Variants in DLGAP2 observed in about 807,000 individuals in gnomAD.
DLGAP2 encodes the protein disks large-associated protein 2.
In DLGAP2, 26 loss-of-function variants were observed where a neutral mutation model predicts 100.3. The observed-to-expected ratio is 0.26, with a 90% CI of 0.19 to 0.36. DLGAP2 has a LOEUF of 0.36. Ranked by LOEUF, DLGAP2 falls within the 10% of genes least tolerant of loss-of-function variation. The probability of loss-of-function intolerance (pLI) is 1.00; values close to 1 mark genes in which losing one functional copy is unlikely to be tolerated. For synonymous variants in DLGAP2, 886 were observed against 630.1 expected (o/e 1.41, Z -6.08); for missense variants, 1,858 against 1,453.2 (o/e 1.28, Z -4.53).
In DLGAP2 at chr8:787,334, C is replaced by G. The variant is rs561596533; in HGVS notation, c.18+49509C>G. 5.3e-5 allele frequency among the ~76,000 whole-genome samples: 8 copies of G among 152,340 alleles called. 1 individual carries two copies. The South Asian group carries it at 1.7e-3, about 32-fold the overall frequency. On this transcript the variant is annotated intron_variant, in intron 1 of 14. Transcript: ENST00000637795. ...CTGACGTTCTGTGATGCTGAGGACC[C>G]TCCTTCCCATGTTGTAGCAATCATA...
At chr8:1,191,873 C>T (rs1183845238) in intron 2 of DLGAP2, among the ~76,000 whole-genome samples, 4 of 152,168 alleles carry the variant, frequency 2.6e-5, no homozygotes, top group African/African-American at 9.7e-5. Context: ...TAGGAAGCGC[C>T]TTTATTCTTG....
At chr8:1,200,336 G>A (rs1797843743) in intron 2 of DLGAP2, among the ~76,000 whole-genome samples, 1 of 152,174 alleles carries the variant, frequency 6.6e-6, no homozygotes, top group Non-Finnish European at 1.5e-5. Flanking sequence ...CAGTCCCGTG[G>A]CCCCGGCTCC....
intron 8 of DLGAP2, among the ~76,000 whole-genome samples, chr8:1,638,026 C>A (rs1217614589): frequency 6.6e-6 from 1 of 152,152 alleles, no homozygotes; most frequent in Non-Finnish European, 1.5e-5. Context: ...CTGGGATTCG[C>A]AGGGCACCCG....
chr8:852,213 C>G (rs1018227159), intron 1 of DLGAP2, among the ~76,000 whole-genome samples: 2 of 152,168 alleles, frequency 1.3e-5, no homozygotes, highest in African/African-American at 4.8e-5. Context: ...ATCTGTCTCT[C>G]TCACCTTTCT....
At chr8:1,377,713 C>T (rs1795991560) in intron 3 of DLGAP2, among the ~76,000 whole-genome samples, 3 of 152,304 alleles carry the variant, frequency 2.0e-5, no homozygotes, top group African/African-American at 4.8e-5. Context: ...CAGCTCCCTC[C>T]TGTCTCCTCC....
chr8:1,365,001 C>T (rs531458861), intron 3 of DLGAP2, among the ~76,000 whole-genome samples: 9 of 152,266 alleles, frequency 5.9e-5, no homozygotes, highest in South Asian at 4.1e-4. Context: ...GGATGGGAAC[C>T]GGGCCCTCAG....
At chr8:1,168,346 G>A (rs1381832633) in intron 2 of DLGAP2, among the ~76,000 whole-genome samples, 2 of 151,914 alleles carry the variant, frequency 1.3e-5, no homozygotes, top group Non-Finnish European at 2.9e-5. Flanking sequence ...AAACATACGT[G>A]TGCATGTGTC....
rs73670761 is a variant in DLGAP2, at chr8:1,331,726, T to C, written c.106+72843T>C. ...CACTTATAGAAGGGTCCTTCCGACG[T>C]TTAAAACGTGTCTTGTTTTGCTTAT... is the stretch of plus-strand genomic sequence containing the variant. On this transcript the variant is annotated intron_variant, in intron 3 of 14. Coordinates refer to ENST00000637795, the MANE Select transcript of DLGAP2 (RefSeq NM_001346810.2). Among the ~76,000 whole-genome samples the C allele has an allele frequency of 1.6e-3, 249 of 152,322 alleles. 2 individuals are homozygous for C. The highest frequency in any genetic ancestry group is 5.8e-3 in the African/African-American group (240 of 41,574).
At chr8:1,291,005 A>C (rs995026318) in intron 3 of DLGAP2, among the ~76,000 whole-genome samples, 1 of 152,170 alleles carries the variant, frequency 6.6e-6, no homozygotes, top group African/African-American at 2.4e-5. Context: ...CCTACAAGTA[A>C]TACTAAAAGG....
chr8:750,406 A>G lies in DLGAP2; in HGVS notation c.18+12581A>G, dbSNP rs536753466. Among the ~76,000 whole-genome samples, 18 of 152,388 alleles carry G rather than the reference A, an allele frequency of 1.2e-4. No homozygotes were observed. In the East Asian group the frequency reaches 1.9e-3, roughly 16 times the overall value. ...AATGAAAACATTTCGAATCTTTTCTATGTCTACAGGAATAAAATCAAGTGT... is the reference window on the plus strand; with the variant it reads ...AATGAAAACATTTCGAATCTTTTCTGTGTCTACAGGAATAAAATCAAGTGT... On this transcript the variant is annotated intron_variant, in intron 1 of 14. Transcript: ENST00000637795.
In DLGAP2 at chr8:859,608, G is replaced by A. The variant is rs192469673; in HGVS notation, c.19-48304G>A. On this transcript the variant is annotated intron_variant, in intron 1 of 14. Transcript: ENST00000637795. Reference sequence around the variant, plus strand: ...CCTGCTGGGGGAGGCTGGCTAGCTGGACGTTAGAGTCTGGGGATGAAGTCA... The same window carrying A: ...CCTGCTGGGGGAGGCTGGCTAGCTGAACGTTAGAGTCTGGGGATGAAGTCA... 7.8e-4 allele frequency among the ~76,000 whole-genome samples: 119 copies of A among 152,306 alleles called. 1 individual carries two copies. The highest frequency in any genetic ancestry group is 2.8e-3 in the African/African-American group (116 of 41,560).
chr8:1,470,048 G>C (rs949217285), intron 3 of DLGAP2, among the ~76,000 whole-genome samples: 6 of 151,632 alleles, frequency 4.0e-5, no homozygotes, highest in Non-Finnish European at 5.9e-5. Context: ...TGCGATCCCA[G>C]CTGCTCATGA....
intron 2 of DLGAP2, among the ~76,000 whole-genome samples, chr8:1,068,560 C>G (rs1040616495): frequency 2.0e-5 from 3 of 152,182 alleles, no homozygotes; most frequent in South Asian, 2.1e-4. Context: ...AGCAGTGGCT[C>G]TATCTGTGCA....
chr8:1,654,970 T>G (rs986297478), intron 8 of DLGAP2, among the ~76,000 whole-genome samples: 1 of 152,224 alleles, frequency 6.6e-6, no homozygotes, highest in Non-Finnish European at 1.5e-5. Context: ...TGATGTGATG[T>G]TCAAACCTTT....
chr8:1,632,871 G>A lies in DLGAP2; in HGVS notation c.1635G>A (p.Glu545=), dbSNP rs1451593736. The A allele has an allele frequency of 6.2e-7, 1 of 1,613,760 alleles. No homozygotes were observed. The highest frequency in any genetic ancestry group is 1.3e-5 in the African/African-American group (1 of 74,898). ...ATGGGCAATTCGAGTCCGTGTGCGA[G>A]TCCGTCTTCAGTGAAGTTGAATCTC... ...EINGQFESVC[E]SVFSEVESQA... The change falls in exon 8 of 15, where the codon GAG becomes GAA. Residue 545 remains glutamate, a synonymous_variant. Coordinates refer to ENST00000637795, the MANE Select transcript of DLGAP2 (RefSeq NM_001346810.2).
intron 2 of DLGAP2, among the ~76,000 whole-genome samples, chr8:986,923 G>T (rs1800504499): frequency 6.6e-6 from 1 of 152,152 alleles, no homozygotes; most frequent in South Asian, 2.1e-4. Flanking sequence ...ACCTTCCAGA[G>T]TACTAGGATT....
intron 1 of DLGAP2, among the ~76,000 whole-genome samples, chr8:757,399 G>T (rs1396612194): frequency 6.6e-6 from 1 of 152,168 alleles, no homozygotes; most frequent in Middle Eastern, 3.2e-3. Flanking sequence ...TCATGTGTCG[G>T]CCATGGTGCA....
chr8:1,217,301 T>C (rs1798234061), intron 2 of DLGAP2, among the ~76,000 whole-genome samples: 1 of 152,202 alleles, frequency 6.6e-6, no homozygotes, highest in African/African-American at 2.4e-5. Context: ...TGTTTTTTTA[T>C]GGCTGCACAG....
At chr8:1,269,030 A>G (rs1406546294) in intron 3 of DLGAP2, among the ~76,000 whole-genome samples, 1 of 152,148 alleles carries the variant, frequency 6.6e-6, no homozygotes. Context: ...GAGACAAGGA[A>G]CAGAATTCCC....
Sources: gnomAD v4.1 joint callset for allele counts (sites outside exome capture counted in the v4.1 genomes callset) on GRCh38, gnomAD v4.1.1 for gene constraint, MANE v1.5 for transcripts, NCBI Gene and HGNC (gene_info 2026-07-23, HGNC 2026-07-21) for gene names.